The following NUP54 variants were observed in gnomAD, a reference collection of about 807,000 sequenced individuals.
NUP54 encodes the protein nucleoporin p54.
In NUP54, 27 loss-of-function variants were observed where a neutral mutation model predicts 66.4. The ratio of observed to expected loss-of-function variants is 0.41; its 90% CI spans 0.30 to 0.56. The LOEUF is 0.56. Among genes scored for constraint, NUP54 ranks in the 20% least tolerant of loss-of-function variants. The pLI is 0.34. For synonymous variants in NUP54, 206 were observed against 210.7 expected, an observed-to-expected ratio of 0.98 and a Z score of 0.19; for missense variants, 486 against 596.3, an observed-to-expected ratio of 0.82 and a Z score of 1.93.
At chr4:76,126,230 AG>A (rs1270888008) in intron 8 of NUP54, among the ~76,000 whole-genome samples, 2 of 152,216 alleles carry the variant, frequency 1.3e-5, no homozygotes, top group Non-Finnish European at 2.9e-5. Context: ...ATTCTGCCTT[AG>A]GAAGTCTTAA....
intron 3 of NUP54, among the ~76,000 whole-genome samples, chr4:76,141,290 G>A (rs1343928487): frequency 6.6e-6 from 1 of 152,126 alleles, no homozygotes; most frequent in African/African-American, 2.4e-5. Context: ...GTTTCTAAGA[G>A]TTTTGTTCTA....
chr4:76,138,434 G>T (rs541127564), intron 3 of NUP54, among the ~76,000 whole-genome samples: 9 of 152,176 alleles, frequency 5.9e-5, no homozygotes, highest in Admixed American at 2.6e-4. Context: ...GTCTCTCTTG[G>T]TTTTTTATAA....
rs1183808227 is a variant in NUP54 at position 76,115,278 on chromosome 4, C to G, written c.*88G>C. 1.4e-5 allele frequency: 17 copies of G among 1,172,898 alleles called. No homozygotes were observed. Among genetic ancestry groups the G allele is most frequent in the Non-Finnish European group, 1.7e-5 (15 of 879,674 alleles). The allele number at this position is 1,172,898 out of a possible 1,614,324, so 72.7% of individuals were successfully genotyped here. On this transcript the variant is annotated 3_prime_UTR_variant, in exon 12 of 12. Coordinates refer to ENST00000264883, the MANE Select transcript of NUP54 (RefSeq NM_017426.4). Reference sequence around the variant, plus strand: ...TCCAAGAAAGAATTGTTTTCTTTTTCCCTCCATGTGGTCGGTTTCATTCTT... The same window carrying G: ...TCCAAGAAAGAATTGTTTTCTTTTTGCCTCCATGTGGTCGGTTTCATTCTT...
intron 3 of NUP54, among the ~76,000 whole-genome samples, chr4:76,142,794 A>T (rs929747456): frequency 4.6e-5 from 7 of 152,218 alleles, no homozygotes; most frequent in Non-Finnish European, 1.0e-4. Context: ...AAGCATCAAT[A>T]AGAATGGTAA....
At chr4:76,141,436 C>A (rs2109905796) in intron 3 of NUP54, among the ~76,000 whole-genome samples, 1 of 152,270 alleles carries the variant, frequency 6.6e-6, no homozygotes, top group East Asian at 1.9e-4. Context: ...TCATTATCTA[C>A]CCACAAACAT....
At chr4:76,121,281 T>G (rs772597615) in intron 9 of NUP54, among the ~76,000 whole-genome samples, 3 of 152,240 alleles carry the variant, frequency 2.0e-5, no homozygotes, top group Non-Finnish European at 4.4e-5. Flanking sequence ...TTCCCTACTC[T>G]GTTCCATGCA....
intron 5 of NUP54, among the ~76,000 whole-genome samples, chr4:76,133,426 C>A (rs1408911213): frequency 6.6e-6 from 1 of 152,034 alleles, no homozygotes; most frequent in Non-Finnish European, 1.5e-5. Flanking sequence ...CTGCCTCAGC[C>A]TCCCTCGTAG....
At chr4:76,121,262 A>G (rs1301151429) in intron 9 of NUP54, among the ~76,000 whole-genome samples, 2 of 152,204 alleles carry the variant, frequency 1.3e-5, no homozygotes, top group Non-Finnish European at 2.9e-5. Context: ...ACTTGCATCT[A>G]TTTGTAAATT....
intron 11 of NUP54, 77 bp downstream of exon 11, chr4:76,117,587 T>C: frequency 1.2e-6 from 1 of 854,214 alleles, no homozygotes; most frequent in Non-Finnish European, 1.9e-6. Context: ...ACTTTTCTTA[T>C]TAGGATAATA....
rs577321135 is a variant in NUP54, at chr4:76,136,188, T to G, written c.520A>C (p.Lys174Gln). The change falls in exon 4 of 12, where the codon AAG (lysine) becomes CAG (glutamine). Residue 174 changes from lysine to glutamine, a missense_variant and splice_region_variant. By Grantham distance (53) the Lys-to-Gln change is moderately conservative. Around this residue, in one of 4 missense-constraint regions of NUP54, gnomAD observed 41 missense variants for 82.7 expected, o/e 0.50. Transcript: ENST00000264883. ...FTQENPFCRF[K>Q]AVGYSCMPSN... ...GATAAAAATAGTATTAATAATACCTTAAATCGGCAAAAGGGATTTTCTTGT... is the reference window on the plus strand; with the variant it reads ...GATAAAAATAGTATTAATAATACCTGAAATCGGCAAAAGGGATTTTCTTGT... 75 of 1,608,794 alleles carry G rather than the reference T, an allele frequency of 4.7e-5. No individual in the cohort carries two copies. The South Asian group carries it at 7.6e-4, about 16-fold the overall frequency.
At chr4:76,133,608 A>G (rs968721206) in intron 5 of NUP54, among the ~76,000 whole-genome samples, 4 of 152,180 alleles carry the variant, frequency 2.6e-5, no homozygotes, top group African/African-American at 7.2e-5. Context: ...TGCCCGGCCA[A>G]TAAGATAATA....
intron 3 of NUP54, among the ~76,000 whole-genome samples, chr4:76,138,735 C>T (rs982643329): frequency 3.3e-5 from 5 of 152,090 alleles, no homozygotes; most frequent in African/African-American, 9.7e-5. Context: ...TCAGCTAAGC[C>T]ATGGGGTAGA....
At chr4:76,132,831 G>T in intron 5 of NUP54, 112 bp from the exon 6 acceptor site, 18 of 755,792 alleles carry the variant, frequency 2.4e-5, no homozygotes, top group South Asian at 1.1e-4. Context: ...TTCAGAAATG[G>T]TTGTTTTAGG....
In NUP54 at chr4:76,130,680, A is replaced by G; in HGVS notation, c.1032T>C (p.Thr344=). ...CATCTAATCTGGTTTGATGCTGCTT[A>G]GTCATCTGATCTTGAACCTTCAGTC... is the stretch of plus-strand genomic sequence containing the variant. ...LRRLKVQDQM[T]KQHQTRLDII... The change falls in exon 8 of 12, where the codon ACT becomes ACC. Residue 344 remains threonine, a synonymous_variant. Coordinates refer to ENST00000264883, the MANE Select transcript of NUP54 (RefSeq NM_017426.4). 1 of 1,613,370 alleles carries G rather than the reference A, an allele frequency of 6.2e-7. No individual in the cohort carries two copies. Among genetic ancestry groups the G allele is most frequent in the Middle Eastern group, 1.7e-4 (1 of 6,058 alleles).
intron 3 of NUP54, among the ~76,000 whole-genome samples, chr4:76,142,756 C>G (rs1731316170): frequency 6.6e-6 from 1 of 152,136 alleles, no homozygotes; most frequent in Non-Finnish European, 1.5e-5. Context: ...CTTGAAAAGG[C>G]TTGCACTGGC....
chr4:76,136,492 T>TA, intron 3 of NUP54, 80 bp from the exon 4 acceptor site: 1 of 1,063,152 alleles, frequency 9.4e-7, no homozygotes, highest in Non-Finnish European at 1.4e-6. Flanking sequence ...GTAGGCAAAA[T>TA]AATGGCCCCC....
intron 3 of NUP54, 49 bp downstream of exon 3, chr4:76,144,100 G>C: frequency 6.3e-7 from 1 of 1,587,684 alleles, no homozygotes; most frequent in Non-Finnish European, 8.6e-7. Context: ...AATAATGTCA[G>C]CTAGTATCAT....
At chr4:76,134,096 CA>C in intron 5 of NUP54, 78 bp downstream of exon 5, 1 of 980,982 alleles carries the variant, frequency 1.0e-6, no homozygotes, top group Non-Finnish European at 1.5e-6. Flanking sequence ...TGTGCTTTAG[CA>C]ACAAAAACAT....
intron 5 of NUP54, 125 bp from the exon 6 acceptor site, chr4:76,132,844 G>T: frequency 1.4e-6 from 1 of 711,392 alleles, no homozygotes; most frequent in Non-Finnish European, 2.2e-6. Context: ...GTTTTAGGAG[G>T]CAATTAAAAT....
Sources: allele counts gnomAD v4.1 joint callset (sites outside exome capture counted in the v4.1 genomes callset), GRCh38; gene constraint gnomAD v4.1.1; regional missense constraint gnomAD v4.1.1; transcripts MANE v1.5; gene names NCBI Gene and HGNC (gene_info 2026-07-23, HGNC 2026-07-21).